The following PUS10 variants were observed in gnomAD, a reference collection of about 807,000 sequenced individuals.
PUS10 encodes the protein tRNA pseudouridine synthase Pus10.
PUS10 carries 59 observed loss-of-function variants against 75.0 expected under a neutral mutation model. The ratio of observed to expected loss-of-function variants is 0.79; its 90% CI spans 0.64 to 0.98. The LOEUF is 0.98. Among genes scored for constraint, PUS10 ranks in the 50% least tolerant of loss-of-function variants. PUS10 has a pLI of 0.00. For missense variants in PUS10, 650 were observed against 614.4 expected (o/e 1.06, Z -0.61); for synonymous variants, 219 against 211.6 (o/e 1.03, Z -0.30).
At chr2:61,015,395 G>A (rs910469116) in intron 1 of PUS10, among the ~76,000 whole-genome samples, 2 of 152,164 alleles carry the variant, frequency 1.3e-5, no homozygotes, top group African/African-American at 4.8e-5. Flanking sequence ...TGCTACTCGG[G>A]AGGTTGAGGC....
At chr2:60,959,632 G>A (rs932458819) in intron 11 of PUS10, among the ~76,000 whole-genome samples, 2 of 151,904 alleles carry the variant, frequency 1.3e-5, no homozygotes, top group East Asian at 1.9e-4. Context: ...CAAGTGATTC[G>A]CCCGCCTCAG....
intron 4 of PUS10, among the ~76,000 whole-genome samples, chr2:60,997,280 T>C (rs989297479): frequency 2.2e-4 from 34 of 152,168 alleles, no homozygotes; most frequent in African/African-American, 7.0e-4. Flanking sequence ...GGGTAGTCCC[T>C]AAAAGAACTA....
intron 4 of PUS10, among the ~76,000 whole-genome samples, chr2:60,992,997 C>T (rs559321925): frequency 6.3e-4 from 96 of 152,314 alleles, no homozygotes; most frequent in Admixed American, 1.5e-3. Context: ...TCTGCAAGTA[C>T]GTGCTGAGCA....
chr2:60,962,671 G>A (rs1159989140), intron 9 of PUS10, among the ~76,000 whole-genome samples, 155 bp downstream of exon 9: 1 of 152,048 alleles, frequency 6.6e-6, no homozygotes, highest in African/African-American at 2.4e-5. Flanking sequence ...CATATGCCAG[G>A]TACTGCACCA....
At chr2:60,954,051 A>G (rs192392878) in intron 13 of PUS10, 31 bp downstream of exon 13, 2 of 1,611,686 alleles carry the variant, frequency 1.2e-6, no homozygotes, top group East Asian at 2.2e-5. Context: ...TTGCAGAAAC[A>G]TGACGATTTC....
At chr2:60,959,696 C>A (rs1037071473) in intron 11 of PUS10, among the ~76,000 whole-genome samples, 21 of 152,246 alleles carry the variant, frequency 1.4e-4, no homozygotes, top group African/African-American at 4.8e-4. Context: ...GCAGAGCAAT[C>A]ATCTTGAGAG....
chr2:60,996,331 A>AC (rs1200765006), intron 4 of PUS10, among the ~76,000 whole-genome samples: 2 of 152,114 alleles, frequency 1.3e-5, no homozygotes, highest in Non-Finnish European at 2.9e-5. Flanking sequence ...ATCACATGTC[A>AC]CTCACTCTTT....
At chr2:60,974,485 G>T (rs1415411619) in intron 4 of PUS10, among the ~76,000 whole-genome samples, 1 of 152,128 alleles carries the variant, frequency 6.6e-6, no homozygotes, top group Admixed American at 6.5e-5. Context: ...TAAAAGAGCT[G>T]TAAAACAAAC....
Position 60,962,695 on chromosome 2 carries a change from T to A in PUS10, c.788+131A>T. On this transcript the variant is annotated intron_variant, in intron 9 of 17. Coordinates refer to ENST00000316752, the MANE Select transcript of PUS10 (RefSeq NM_144709.4). ...GGTACTGCACCATGGGTTGGAGAGA[T>A]AACAATGACTAAGACACAATCCTGG... The A allele has an allele frequency of 2.1e-6, 3 of 1,403,946 alleles. No homozygotes were observed. The South Asian group carries it at 4.6e-5, about 22-fold the overall frequency. The allele number at this position is 1,403,946 out of a possible 1,614,324, so 87.0% of individuals were successfully genotyped here. A position where few individuals can be genotyped will look rare whatever the true frequency, so the allele number is the denominator to read the frequency against.
chr2:60,959,079 A>G (rs1317153383), intron 11 of PUS10, among the ~76,000 whole-genome samples: 1 of 152,204 alleles, frequency 6.6e-6, no homozygotes, highest in Non-Finnish European at 1.5e-5. Flanking sequence ...CATCCCATGA[A>G]CCTGGGCTCG....
In PUS10 at chr2:60,941,916, T is replaced by C. The variant is rs937910730; in HGVS notation, c.*479A>G. 1 of 152,546 alleles carries C rather than the reference T, an allele frequency of 6.6e-6. No individual in the cohort carries two copies. Among genetic ancestry groups the C allele is most frequent in the African/African-American group, 2.4e-5 (1 of 41,472 alleles). 9.4% of individuals were successfully genotyped at this position (152,546 alleles called of 1,614,324 possible). A position where few individuals can be genotyped will look rare whatever the true frequency, so the allele number is the denominator to read the frequency against. ...AGGCTTCCTGGGGAAAATAATGATG[T>C]CAGATTTGCATTTGCAATCTTAGAC... On this transcript the variant is annotated 3_prime_UTR_variant, in exon 18 of 18. Transcript: ENST00000316752.
At chr2:60,961,303 A>G (rs191823214) in intron 10 of PUS10, among the ~76,000 whole-genome samples, 160 bp downstream of exon 10, 1 of 152,336 alleles carries the variant, frequency 6.6e-6, no homozygotes, top group African/African-American at 2.4e-5. Flanking sequence ...AATGCCCACA[A>G]AACCTAAAAT....
intron 4 of PUS10, among the ~76,000 whole-genome samples, chr2:60,985,567 C>A (rs1176313975): frequency 6.6e-6 from 1 of 152,006 alleles, no homozygotes; most frequent in Non-Finnish European, 1.5e-5. Context: ...GTGGCATGAT[C>A]TCAGCTCACT....
intron 4 of PUS10, among the ~76,000 whole-genome samples, chr2:60,997,704 T>A (rs564087869): frequency 6.6e-6 from 1 of 152,126 alleles, no homozygotes; most frequent in African/African-American, 2.4e-5. Flanking sequence ...ACATTCATTG[T>A]ATAATAGTTT....
At chr2:61,005,568 A>C (rs1436289503) in intron 4 of PUS10, among the ~76,000 whole-genome samples, 1 of 152,142 alleles carries the variant, frequency 6.6e-6, no homozygotes, top group Non-Finnish European at 1.5e-5. Context: ...CAGCTTTCGG[A>C]AGTCTGTTTC....
At chr2:60,977,595 T>C (rs1415449281) in intron 4 of PUS10, among the ~76,000 whole-genome samples, 5 of 152,236 alleles carry the variant, frequency 3.3e-5, no homozygotes, top group African/African-American at 1.2e-4. Flanking sequence ...GAGGAAAATA[T>C]GTCTTGTGCT....
chr2:60,971,407 T>A (rs1676652897), intron 5 of PUS10, 116 bp downstream of exon 5: 1 of 908,590 alleles, frequency 1.1e-6, no homozygotes, highest in Non-Finnish European at 1.8e-6. Flanking sequence ...TGTGCTAATT[T>A]CTCTAGTAGC....
chr2:60,942,489 G>C, intron 17 of PUS10, 56 bp from the exon 18 acceptor site: 4 of 1,285,398 alleles, frequency 3.1e-6, no homozygotes, highest in Non-Finnish European at 4.5e-6. Context: ...GTAAGCATTT[G>C]CTGGTAATGC....
At chr2:61,017,645 G>C (rs1680089069) in intron 1 of PUS10, 3 of 755,724 alleles carry the variant, frequency 4.0e-6, no homozygotes, top group Non-Finnish European at 6.6e-6. Flanking sequence ...GACTGCAAGG[G>C]TGGGCGGGGT....
Sources: allele counts gnomAD v4.1 joint callset (sites outside exome capture counted in the v4.1 genomes callset), GRCh38; gene constraint gnomAD v4.1.1; transcripts MANE v1.5; gene names NCBI Gene and HGNC (gene_info 2026-07-23, HGNC 2026-07-21).